Variants in XKRX observed in about 807,000 individuals in gnomAD.
The protein encoded by XKRX is XK related X-linked, also known as XK-related protein 2.
Under a neutral mutation model 22.4 loss-of-function variants are expected in XKRX, and 11 were observed. That is an observed-to-expected ratio of 0.49 (90% CI 0.31 to 0.81). The LOEUF (loss-of-function observed/expected upper bound fraction) is 0.81, where lower values mean the gene tolerates loss of function less well. Among genes scored for constraint, XKRX ranks in the 40% least tolerant of loss-of-function variants. The pLI is 0.05. For synonymous variants in XKRX, 114 were observed against 132.2 expected (o/e 0.86, Z 0.94); for missense variants, 320 against 336.5 (o/e 0.95, Z 0.38).
the XKRX span, chrX:100,956,773 C>T: frequency 5.6e-5 from 31 of 556,438 alleles, no homozygotes; most frequent in Admixed American, 7.2e-4. Flanking sequence ...AGCACTTGTA[C>T]AGTTTATGCA....
At chrX:100,912,926 G>A (rs1602409522), downstream of XKRX, among the ~76,000 whole-genome samples, 1 of 111,913 alleles carries the variant, frequency 8.9e-6, no homozygotes, top group East Asian at 2.8e-4. Context: ...GGCCGCGTGA[G>A]GTGGCTCATG....
At position 100,914,633 on chromosome X, in the gene XKRX, T is replaced by C. The variant is rs766357306; in HGVS notation, c.1055A>G (p.His352Arg). The change falls in exon 3 of 3, where the codon CAC (histidine) becomes CGC (arginine). Residue 352 changes from histidine to arginine, a missense_variant. His to Arg is a conservative substitution (Grantham distance 29). Coordinates refer to ENST00000372956, the MANE Select transcript of XKRX (RefSeq NM_212559.3). ...KGQNWGHMGL[H>R]YSVRLVENVI... ...ATTCTCTACCAACCTCACACTATAG[T>C]GCAGGCCCATATGTCCCCAGTTCTG... The C allele has an allele frequency of 4.1e-6, 5 of 1,211,922 alleles. No homozygotes were observed. The highest frequency in any genetic ancestry group is 3.0e-5 in the East Asian group (1 of 33,848).
chrX:100,949,207 C>T, the XKRX span, among the ~76,000 whole-genome samples: 1 of 111,425 alleles, frequency 9.0e-6, no homozygotes, highest in African/African-American at 3.3e-5. Flanking sequence ...TCACTTCCAT[C>T]CATTGGCAAC....
the XKRX span, among the ~76,000 whole-genome samples, chrX:100,896,265 T>C: frequency 9.0e-6 from 1 of 111,563 alleles, no homozygotes; most frequent in Non-Finnish European, 1.9e-5. Flanking sequence ...TGGAAAAAAA[T>C]GCAGAATGAC....
chrX:100,906,908 C>G, the XKRX span, among the ~76,000 whole-genome samples: 1 of 111,939 alleles, frequency 8.9e-6, no homozygotes, highest in Non-Finnish European at 1.9e-5. Context: ...ATCTCTCTGC[C>G]TCCATCTTCG....
chrX:100,914,893 C>T lies in XKRX; in HGVS notation c.795G>A (p.Leu265=). Residue 265 remains leucine, a synonymous_variant, in exon 3 of 3, where the codon TTG becomes TTA. Transcript: ENST00000372956. Reference sequence around the variant, plus strand: ...CTAGGAAGGGCACAGCCTTCAATTTCAAAGTGGCTGAGAAGAGCACCAGAA... The same window carrying T: ...CTAGGAAGGGCACAGCCTTCAATTTTAAAGTGGCTGAGAAGAGCACCAGAA... ...LLILVLFSAT[L]KLKAVPFLVL... is the part of the protein sequence containing the mutation. 8.3e-7 allele frequency: 1 copy of T among 1,211,791 alleles called. No homozygotes were observed. Among genetic ancestry groups the T allele is most frequent in the East Asian group, 3.0e-5 (1 of 33,839 alleles).
At chrX:100,906,170 C>T in the XKRX span, among the ~76,000 whole-genome samples, 8 of 111,522 alleles carry the variant, frequency 7.2e-5, no homozygotes, top group South Asian at 1.9e-3. Context: ...CCCCTCCCCC[C>T]ACAAGTGCAT....
the XKRX span, among the ~76,000 whole-genome samples, chrX:100,946,778 A>G: frequency 6.3e-5 from 7 of 111,906 alleles, no homozygotes; most frequent in Non-Finnish European, 3.8e-5. Context: ...ATGTCCTGCC[A>G]GGGATCTCCA....
the XKRX span, among the ~76,000 whole-genome samples, chrX:100,905,440 T>G: frequency 6.2e-5 from 7 of 112,070 alleles, no homozygotes; most frequent in African/African-American, 2.3e-4. Context: ...TGTGAATCAT[T>G]TTCATACATA....
the XKRX span, among the ~76,000 whole-genome samples, chrX:100,935,324 C>T: frequency 9.1e-6 from 1 of 110,112 alleles, no homozygotes; most frequent in Non-Finnish European, 1.9e-5. Flanking sequence ...ATGACCTTGG[C>T]TCACCCAATC....
intron 2 of XKRX, among the ~76,000 whole-genome samples, chrX:100,920,171 C>CTT (rs11380386): frequency 9.6e-6 from 1 of 103,811 alleles, no homozygotes; most frequent in Non-Finnish European, 1.9e-5. Context: ...GTTGTGCTAC[C>CTT]TTTTTTTTTC....
upstream of XKRX, among the ~76,000 whole-genome samples, chrX:100,932,810 G>C (rs1299538768): frequency 8.9e-6 from 1 of 112,406 alleles, no homozygotes; most frequent in Admixed American, 9.4e-5. Flanking sequence ...AGAATCAATA[G>C]CCAGAATGGA....
chrX:100,920,876 C>T (rs990603962), intron 2 of XKRX, among the ~76,000 whole-genome samples: 1 of 111,160 alleles, frequency 9.0e-6, no homozygotes, highest in Non-Finnish European at 1.9e-5. Flanking sequence ...TCTCCTGCTT[C>T]AGCCTCCCAA....
the XKRX span, among the ~76,000 whole-genome samples, chrX:100,903,865 T>C: frequency 8.9e-6 from 1 of 112,326 alleles, no homozygotes; most frequent in Non-Finnish European, 1.9e-5. Flanking sequence ...AAATAGTCCA[T>C]GTTCATGGAT....
the XKRX span, among the ~76,000 whole-genome samples, chrX:100,936,836 C>A: frequency 9.2e-6 from 1 of 108,992 alleles, no homozygotes; most frequent in Non-Finnish European, 1.9e-5. Flanking sequence ...CACAAGAACA[C>A]CCCCATGATC....
At chrX:100,898,819 T>C in the XKRX span, among the ~76,000 whole-genome samples, 1 of 96,599 alleles carries the variant, frequency 1.0e-5, no homozygotes, top group African/African-American at 3.9e-5. Context: ...TTAGTTTCTT[T>C]TTCTCTTTTC....
chrX:100,910,092 C>A (rs1404767160), downstream of XKRX, among the ~76,000 whole-genome samples: 1 of 110,131 alleles, frequency 9.1e-6, no homozygotes, highest in African/African-American at 3.3e-5. Flanking sequence ...ATTTCTTTTC[C>A]TAACATGCAA....
chrX:100,951,189 G>A, the XKRX span, among the ~76,000 whole-genome samples: 692 of 91,536 alleles, frequency 7.6e-3, 5 homozygotes, highest in African/African-American at 0.028. Flanking sequence ...AGCCGAGATC[G>A]CATCATTGCA....
the XKRX span, among the ~76,000 whole-genome samples, chrX:100,955,864 T>C: frequency 9.0e-6 from 1 of 111,543 alleles, no homozygotes; most frequent in Non-Finnish European, 1.9e-5. Flanking sequence ...AAACCATGTA[T>C]ACGCACAACA....
Sources: gnomAD v4.1 joint callset for allele counts (sites outside exome capture counted in the v4.1 genomes callset) on GRCh38, gnomAD v4.1.1 for gene constraint, MANE v1.5 for transcripts, NCBI Gene and HGNC (gene_info 2026-07-23, HGNC 2026-07-21) for gene names.